SDCCAG8: variants seen among roughly 807,000 people sequenced by gnomAD.
SDCCAG8 encodes serologically defined colon cancer antigen 8.
SDCCAG8 carries 74 observed loss-of-function variants against 101.8 expected under a neutral mutation model. The ratio of observed to expected loss-of-function variants is 0.73; its 90% CI spans 0.60 to 0.88. The LOEUF is 0.88. Among genes scored for constraint, SDCCAG8 ranks in the 40% least tolerant of loss-of-function variants. The probability of loss-of-function intolerance (pLI) is 0.00; values close to 1 mark genes in which losing one functional copy is unlikely to be tolerated. For missense variants in SDCCAG8, 787 were observed against 822.6 expected (o/e 0.96, Z 0.53); for synonymous variants, 281 against 292.9 (o/e 0.96, Z 0.41).
intron 12 of SDCCAG8, 43 bp downstream of exon 12, chr1:243,344,374 G>A (rs904514145): frequency 2.4e-6 from 3 of 1,260,088 alleles, no homozygotes; most frequent in African/African-American, 3.1e-5. Flanking sequence ...ATAGATATGA[G>A]TAACATTCTT....
chr1:243,302,456 T>G (rs1357432503), intron 6 of SDCCAG8, among the ~76,000 whole-genome samples: 1 of 152,176 alleles, frequency 6.6e-6, no homozygotes, highest in Non-Finnish European at 1.5e-5. Flanking sequence ...GTACTCAGGT[T>G]TATGATCAGG....
chr1:243,408,364 G>T (rs563720823), intron 13 of SDCCAG8, among the ~76,000 whole-genome samples: 20 of 152,270 alleles, frequency 1.3e-4, no homozygotes, highest in African/African-American at 4.6e-4. Flanking sequence ...GCCACTTGAG[G>T]CAGGAGATGT....
At chr1:243,335,129 A>G (rs1211908229) in intron 10 of SDCCAG8, among the ~76,000 whole-genome samples, 2 of 152,224 alleles carry the variant, frequency 1.3e-5, no homozygotes, top group Non-Finnish European at 2.9e-5. Context: ...AAAAGTCCCT[A>G]TGCCATTGGG....
rs1002084841 is a variant in SDCCAG8, at chr1:243,416,218, C to T, written c.1744+389C>T. 2.6e-5 allele frequency among the ~76,000 whole-genome samples: 4 copies of T among 152,136 alleles called. No homozygotes were observed. Among genetic ancestry groups the T allele is most frequent in the Admixed American group, 6.5e-5 (1 of 15,272 alleles). Reference sequence around the variant, plus strand: ...GAAGCTCTGCGGGAAATGCTCTGAGCTTACAGTTAGAGTCTCCTGAATAGC... The same window carrying T: ...GAAGCTCTGCGGGAAATGCTCTGAGTTTACAGTTAGAGTCTCCTGAATAGC... On this transcript the variant is annotated intron_variant, in intron 14 of 17. Transcript: ENST00000366541. The surrounding 1 kb of genome is among the most constrained non-coding windows in gnomAD (Gnocchi z 4.3).
intron 17 of SDCCAG8, among the ~76,000 whole-genome samples, chr1:243,496,732 G>A (rs1471694348): frequency 6.6e-6 from 1 of 152,262 alleles, no homozygotes. Context: ...CCACAGTGTG[G>A]TTGCCTGGGG....
intron 8 of SDCCAG8, 38 bp downstream of exon 8, chr1:243,308,215 A>G (rs746519553): frequency 9.9e-6 from 16 of 1,608,542 alleles, no homozygotes; most frequent in South Asian, 6.6e-5. Context: ...CTTTGGCAAT[A>G]TGGAAAATTC....
chr1:243,491,402 A>C (rs563794962), intron 17 of SDCCAG8, among the ~76,000 whole-genome samples: 37 of 152,342 alleles, frequency 2.4e-4, no homozygotes, highest in Non-Finnish European at 4.3e-4. Flanking sequence ...TCATCTCTAA[A>C]GCGGCCTTTC....
At chr1:243,430,650 G>C (rs1023724336) in intron 16 of SDCCAG8, among the ~76,000 whole-genome samples, 45 of 151,530 alleles carry the variant, frequency 3.0e-4, no homozygotes, top group African/African-American at 1.1e-3. Context: ...GTATTGGACA[G>C]CATGGTCTGG....
chr1:243,478,494 G>A (rs753446967), intron 16 of SDCCAG8, among the ~76,000 whole-genome samples: 2 of 152,142 alleles, frequency 1.3e-5, no homozygotes, highest in Non-Finnish European at 2.9e-5. Flanking sequence ...TCTGCAGGCA[G>A]CCAAGGCTAA....
At chr1:243,409,872 A>G (rs1428034866) in intron 13 of SDCCAG8, among the ~76,000 whole-genome samples, 1 of 152,190 alleles carries the variant, frequency 6.6e-6, no homozygotes, top group African/African-American at 2.4e-5. Context: ...GGAGTAAAAA[A>G]GTCATTTTTG....
At chr1:243,488,866 TG>T (rs780186885) in intron 16 of SDCCAG8, 147 bp from the exon 17 acceptor site, 2 of 1,065,478 alleles carry the variant, frequency 1.9e-6, no homozygotes, top group Non-Finnish European at 2.8e-6. Context: ...AAGGACCTAG[TG>T]CCAGCCAGAG....
At chr1:243,271,331 T>C (rs2068063846) in intron 3 of SDCCAG8, among the ~76,000 whole-genome samples, 1 of 149,138 alleles carries the variant, frequency 6.7e-6, no homozygotes, top group Non-Finnish European at 1.5e-5. Flanking sequence ...TAGCAAAATA[T>C]GTAATATAAA....
intron 12 of SDCCAG8, among the ~76,000 whole-genome samples, chr1:243,357,256 G>A (rs571377828): frequency 2.8e-4 from 43 of 152,180 alleles, no homozygotes; most frequent in Non-Finnish European, 5.6e-4. Flanking sequence ...GCACATGCCT[G>A]TATTCCCAGC....
At chr1:243,473,694 T>C (rs1449435301) in intron 16 of SDCCAG8, among the ~76,000 whole-genome samples, 2 of 151,980 alleles carry the variant, frequency 1.3e-5, no homozygotes, top group Non-Finnish European at 2.9e-5. Context: ...AATTGAAATA[T>C]GGAGGAGAAA....
intron 16 of SDCCAG8, among the ~76,000 whole-genome samples, chr1:243,470,991 A>T (rs1232271390): frequency 2.6e-5 from 4 of 152,094 alleles, no homozygotes; most frequent in African/African-American, 7.2e-5. Context: ...TAGAGTGCAT[A>T]AGAAGAAATA....
intron 12 of SDCCAG8, among the ~76,000 whole-genome samples, chr1:243,355,325 TC>T (rs1402376140): frequency 1.2e-4 from 19 of 152,014 alleles, no homozygotes; most frequent in African/African-American, 4.6e-4. Context: ...TCTCTCTCTC[TC>T]TCTCTCTCTC....
intron 13 of SDCCAG8, among the ~76,000 whole-genome samples, chr1:243,392,322 T>C (rs2078753248): frequency 6.6e-6 from 1 of 152,180 alleles, no homozygotes; most frequent in Admixed American, 6.5e-5. Flanking sequence ...CACAGAGTAA[T>C]ATATTGTTCT....
intron 8 of SDCCAG8, among the ~76,000 whole-genome samples, chr1:243,315,009 CT>C (rs377101919): frequency 2.4e-3 from 365 of 152,300 alleles, no homozygotes; most frequent in African/African-American, 8.2e-3. Flanking sequence ...TGCGCCTGGC[CT>C]TTTTTGTTCA....
Position 243,274,636 on chromosome 1 carries a change from G to A in SDCCAG8, c.400G>A (p.Ala134Thr), listed in dbSNP as rs1336327972. The A allele has an allele frequency of 1.9e-6, 3 of 1,600,542 alleles. No individual in the cohort carries two copies. In the East Asian group the frequency reaches 6.7e-5, roughly 36 times the overall value. Residue 134 changes from alanine to threonine, a missense_variant, in exon 4 of 18, where the codon GCA becomes ACA. By Grantham distance (58) the Ala-to-Thr change is moderately conservative. Transcript: ENST00000366541. Reference protein sequence around the residue: ...DQSQYIHHLEAEVKFCKEELS... With the variant: ...DQSQYIHHLETEVKFCKEELS... Reference sequence around the variant, plus strand: ...GTCTCAATATATTCATCATTTAGAGGCAGAAGTTAAGTTCTGCAAGGTAAG... The same window carrying A: ...GTCTCAATATATTCATCATTTAGAGACAGAAGTTAAGTTCTGCAAGGTAAG...
Sources: gnomAD v4.1 joint callset for allele counts (sites outside exome capture counted in the v4.1 genomes callset) on GRCh38, gnomAD v4.1.1 for gene constraint, Gnocchi (gnomAD v3.1) non-coding constraint, MANE v1.5 for transcripts, NCBI Gene and HGNC (gene_info 2026-07-23, HGNC 2026-07-21) for gene names.